Variants in TTC6 observed in about 807,000 individuals in gnomAD.
The protein encoded by TTC6 is tetratricopeptide repeat protein 6.
In TTC6, 172 loss-of-function variants were observed where a neutral mutation model predicts 210.4. That is an observed-to-expected ratio of 0.82 (90% CI 0.72 to 0.93). TTC6 has a LOEUF of 0.93. Among genes scored for constraint, TTC6 ranks in the 40% least tolerant of loss-of-function variants. The pLI is 0.00. For synonymous variants in TTC6, 804 were observed against 819.6 expected (o/e 0.98, Z 0.32); for missense variants, 2,414 against 2,318.1 (o/e 1.04, Z -0.85).
At chr14:37,745,421 T>C (rs1421480099) in intron 10 of TTC6, among the ~76,000 whole-genome samples, 1 of 152,156 alleles carries the variant, frequency 6.6e-6, no homozygotes, top group Non-Finnish European at 1.5e-5. Context: ...TGGAATCTGG[T>C]ATTGCTTTTT....
intron 16 of TTC6, among the ~76,000 whole-genome samples, chr14:37,791,091 A>T (rs1244361703): frequency 6.6e-6 from 1 of 152,186 alleles, no homozygotes; most frequent in Non-Finnish European, 1.5e-5. Context: ...AGTTAAATCT[A>T]TGGATAAGGA....
intron 15 of TTC6, among the ~76,000 whole-genome samples, chr14:37,788,346 C>T (rs943988923): frequency 1.2e-4 from 18 of 152,024 alleles, no homozygotes; most frequent in African/African-American, 4.4e-4. Flanking sequence ...CCTGTGTTCA[C>T]CTGGGTGCAA....
chr14:37,814,309 C>A (rs553218007), intron 25 of TTC6, among the ~76,000 whole-genome samples: 2 of 152,144 alleles, frequency 1.3e-5, no homozygotes, highest in African/African-American at 4.8e-5. Context: ...AGTCCCTATG[C>A]GTACAGCACT....
intron 29 of TTC6, among the ~76,000 whole-genome samples, chr14:37,830,615 TTTTTA>T (rs2096182449): frequency 6.6e-6 from 1 of 151,940 alleles, no homozygotes; most frequent in Admixed American, 6.6e-5. Context: ...TTAGATTTCC[TTTTTA>T]TTTTATTTTT....
intron 1 of TTC6, among the ~76,000 whole-genome samples, chr14:37,601,184 G>T (rs1041587368): frequency 6.6e-6 from 1 of 152,214 alleles, no homozygotes; most frequent in Admixed American, 6.5e-5. Context: ...AAACTTTGCA[G>T]CCTTTCACAA....
intron 7 of TTC6, 37 bp from the exon 10 acceptor site, chr14:37,735,884 C>A (rs1479126585): frequency 1.5e-6 from 2 of 1,321,794 alleles, no homozygotes; most frequent in South Asian, 1.3e-5. Flanking sequence ...AAAAGTATTC[C>A]AAAACATAAT....
At chr14:37,811,726 T>C (rs2096130026) in intron 24 of TTC6, among the ~76,000 whole-genome samples, 2 of 152,212 alleles carry the variant, frequency 1.3e-5, no homozygotes, top group South Asian at 4.1e-4. Flanking sequence ...TATGTGTCTT[T>C]TAAAAAATGA....
At position 37,818,715 on chromosome 14, in the gene TTC6, A is replaced by G. The variant is rs568025326; in HGVS notation, c.4763+1064A>G. ...CTTCTGAAGGTGTCTTTGTGTTAAAAGGCTTAAACTGGTCTCAGACCTTTC... is the reference window on the plus strand; with the variant it reads ...CTTCTGAAGGTGTCTTTGTGTTAAAGGGCTTAAACTGGTCTCAGACCTTTC... On this transcript the variant is annotated intron_variant, in intron 26 of 30. Transcript: ENST00000553443. Among the ~76,000 whole-genome samples the G allele has an allele frequency of 1.9e-4, 29 of 152,222 alleles. 1 individual carries two copies. The highest frequency in any genetic ancestry group is 3.4e-3 in the Middle Eastern group (1 of 294).
At chr14:37,721,207 T>C (rs2095861248) in intron 6 of TTC6, among the ~76,000 whole-genome samples, 1 of 152,148 alleles carries the variant, frequency 6.6e-6, no homozygotes, top group Non-Finnish European at 1.5e-5. Flanking sequence ...TTGATGACTT[T>C]CATACTTTAT....
At chr14:37,680,152 A>G (rs2095779954) in exon 2 of TTC6, 1 of 1,517,018 alleles carries the variant, frequency 6.6e-7, no homozygotes. Flanking sequence ...TCATTCAAGG[A>G]TATTTCTTTA....
intron 1 of TTC6, among the ~76,000 whole-genome samples, chr14:37,671,863 T>C (rs1172923832): frequency 6.6e-6 from 1 of 152,080 alleles, no homozygotes; most frequent in East Asian, 1.9e-4. Flanking sequence ...GATCTGATGG[T>C]TTTATCAATG....
chr14:37,779,141 C>T (rs1404411382), intron 14 of TTC6, among the ~76,000 whole-genome samples: 1 of 152,206 alleles, frequency 6.6e-6, no homozygotes, highest in East Asian at 1.9e-4. Context: ...CTGCTCAACT[C>T]ATCCTTTCCC....
exon 27 of TTC6, chr14:37,823,878 C>G: frequency 6.2e-7 from 1 of 1,613,952 alleles, no homozygotes; most frequent in Non-Finnish European, 8.5e-7. Context: ...ACCAAGCAAG[C>G]ACAGAAAGAC....
At chr14:37,834,272 G>A (rs2096192750) in intron 29 of TTC6, among the ~76,000 whole-genome samples, 2 of 73,334 alleles carry the variant, frequency 2.7e-5, no homozygotes, top group Non-Finnish European at 8.4e-5. Flanking sequence ...TTACTGAATA[G>A]GTTTTCTATG....
At chr14:37,817,346 G>A (rs754492671) in intron 25 of TTC6, among the ~76,000 whole-genome samples, 1 of 152,172 alleles carries the variant, frequency 6.6e-6, no homozygotes, top group Non-Finnish European at 1.5e-5. Context: ...AAGATTCTGA[G>A]TGAGTCTACA....
chr14:37,797,532 T>C (rs2096095484), intron 20 of TTC6, among the ~76,000 whole-genome samples: 1 of 152,008 alleles, frequency 6.6e-6, no homozygotes. Flanking sequence ...AAGATATAAA[T>C]TCTGTATACT....
At chr14:37,768,302 A>G (rs1280156189) in intron 14 of TTC6, among the ~76,000 whole-genome samples, 22 of 151,300 alleles carry the variant, frequency 1.5e-4, no homozygotes, top group Non-Finnish European at 3.1e-4. Flanking sequence ...TTGGTTCCAT[A>G]TGAACTTTAA....
In TTC6 at chr14:37,808,733, A is replaced by T. The variant is rs140530958; in HGVS notation, c.4456A>T (p.Thr1486Ser). The T allele has an allele frequency of 4.6e-4, 652 of 1,429,798 alleles. 1 individual carries two copies. The highest frequency in any genetic ancestry group is 5.6e-4 in the Non-Finnish European group (596 of 1,062,658). The allele number at this position is 1,429,798 out of a possible 1,614,324, so 88.6% of individuals were successfully genotyped here. The change falls in exon 24 of 31, where the codon ACT (threonine) becomes TCT (serine). Residue 1486 changes from threonine (T) to serine (S), a missense_variant and splice_region_variant. By Grantham distance (58) the Thr-to-Ser change is moderately conservative. Transcript: ENST00000553443. ...CACATAATTACTTTTTTCTTTTTAG[A>T]CTTATAAGCTAGCAATTACAGATTT...
At chr14:37,730,957 A>G (rs1224297965) in intron 7 of TTC6, among the ~76,000 whole-genome samples, 1 of 152,218 alleles carries the variant, frequency 6.6e-6, no homozygotes, top group Non-Finnish European at 1.5e-5. Context: ...GAGCTGCAGC[A>G]ATGAAAATTC....
Sources: allele counts gnomAD v4.1 joint callset (sites outside exome capture counted in the v4.1 genomes callset), GRCh38; gene constraint gnomAD v4.1.1; transcripts MANE v1.5; gene names NCBI Gene and HGNC (gene_info 2026-07-23, HGNC 2026-07-21).